PRLR: variants seen among roughly 807,000 people sequenced by gnomAD.
PRLR encodes hPRL receptor.
PRLR carries 13 observed loss-of-function variants against 40.2 expected under a neutral mutation model. That is an observed-to-expected ratio of 0.32 (90% CI 0.21 to 0.51). The LOEUF is 0.51. Ranked by LOEUF, PRLR falls within the 20% of genes least tolerant of loss-of-function variation. The pLI is 0.97. For synonymous variants in PRLR, 269 were observed against 278.7 expected, an observed-to-expected ratio of 0.97 and a Z score of 0.35; for missense variants, 656 against 747.3, an observed-to-expected ratio of 0.88 and a Z score of 1.42.
Position 35,063,444 on chromosome 5 carries a change from G to A in PRLR, c.*1645C>T, listed in dbSNP as rs1295992195. On this transcript the variant is annotated 3_prime_UTR_variant, in exon 10 of 10. Transcript: ENST00000618457. ...GAAAAATAGAGAGGGGCTGCTAGATGAGTCATGGATGCGCCCTTTAAAATG... is the reference window on the plus strand; with the variant it reads ...GAAAAATAGAGAGGGGCTGCTAGATAAGTCATGGATGCGCCCTTTAAAATG... 3.3e-5 allele frequency: 5 copies of A among 152,196 alleles called. 1 individual carries two copies. Among genetic ancestry groups the A allele is most frequent in the Non-Finnish European group, 5.9e-5 (4 of 68,030 alleles). 9.4% of individuals were successfully genotyped at this position (152,196 alleles called of 1,614,324 possible).
At position 35,060,615 on chromosome 5, in the gene PRLR, T is replaced by C. The variant is rs910932565; in HGVS notation, c.*4474A>G. On this transcript the variant is annotated 3_prime_UTR_variant, in exon 10 of 10. Coordinates refer to ENST00000618457, the MANE Select transcript of PRLR (RefSeq NM_000949.7). ...ATCCCAGGACATAGTGCCTACTTAGTCGTGGTGATGTGATTTAGTCTTGGA... is the reference window on the plus strand; with the variant it reads ...ATCCCAGGACATAGTGCCTACTTAGCCGTGGTGATGTGATTTAGTCTTGGA... The C allele has an allele frequency of 3.9e-5, 6 of 152,220 alleles. No homozygotes were observed. Among genetic ancestry groups the C allele is most frequent in the African/African-American group, 1.2e-4 (5 of 41,444 alleles). 9.4% of individuals were successfully genotyped at this position (152,220 alleles called of 1,614,324 possible).
chr5:35,167,089 T>G (rs1774854508), intron 1 of PRLR, among the ~76,000 whole-genome samples: 1 of 152,076 alleles, frequency 6.6e-6, no homozygotes, highest in African/African-American at 2.4e-5. Context: ...TGGAGTAGCT[T>G]ATTCACACTA....
chr5:35,049,451 G>C (rs773929384), intron 8 of PRLR: 1 of 699,912 alleles, frequency 1.4e-6, no homozygotes, highest in African/African-American at 1.8e-5. Context: ...ATAACTTCTA[G>C]AGGGAAAGTG....
chr5:35,186,466 C>T (rs1775435932), intron 1 of PRLR, among the ~76,000 whole-genome samples: 1 of 152,178 alleles, frequency 6.6e-6, no homozygotes, highest in African/African-American at 2.4e-5. Flanking sequence ...ATTCTAGATT[C>T]ACCCTGGAGA....
At chr5:35,050,998 G>A (rs192837285), downstream of PRLR, among the ~76,000 whole-genome samples, 260 of 152,270 alleles carry the variant, frequency 1.7e-3, 3 homozygotes, top group Non-Finnish European at 2.8e-4. Flanking sequence ...TTAAAGATGC[G>A]GCTCAGATAC....
At chr5:35,072,419 G>T (rs897446349) in intron 6 of PRLR, among the ~76,000 whole-genome samples, 156 bp downstream of exon 6, 25 of 152,158 alleles carry the variant, frequency 1.6e-4, no homozygotes, top group African/African-American at 6.0e-4. Flanking sequence ...AATCCCAATA[G>T]AGGGGAAAAG....
chr5:35,186,882 C>T (rs1330056414), intron 1 of PRLR, among the ~76,000 whole-genome samples: 1 of 152,150 alleles, frequency 6.6e-6, no homozygotes, highest in Non-Finnish European at 1.5e-5. Flanking sequence ...CCTGCCTGCC[C>T]TCAAGAAGCA....
intron 1 of PRLR, among the ~76,000 whole-genome samples, chr5:35,159,150 A>G (rs1449409916): frequency 6.6e-6 from 1 of 152,052 alleles, no homozygotes; most frequent in Admixed American, 6.6e-5. Context: ...GACCTCATGG[A>G]AGAGATCTGG....
At chr5:35,136,466 C>T (rs1773861472) in intron 1 of PRLR, among the ~76,000 whole-genome samples, 1 of 152,148 alleles carries the variant, frequency 6.6e-6, no homozygotes, top group African/African-American at 2.4e-5. Flanking sequence ...TAGCAACTCC[C>T]CAGTCATGAC....
rs114549121 is a variant in PRLR at position 35,176,066 on chromosome 5, C to T, written c.-106+54202G>A. Among the ~76,000 whole-genome samples the T allele has an allele frequency of 4.3e-3, 658 of 152,224 alleles. 1 individual carries two copies. Among genetic ancestry groups the T allele is most frequent in the African/African-American group, 0.015 (611 of 41,536 alleles). On this transcript the variant is annotated intron_variant, in intron 1 of 9. Coordinates refer to ENST00000618457, the MANE Select transcript of PRLR (RefSeq NM_000949.7). ...ATGTAAATAAACATATACACACATACGGATGCACATGCAGCCCCCATGTTT... is the reference window on the plus strand; with the variant it reads ...ATGTAAATAAACATATACACACATATGGATGCACATGCAGCCCCCATGTTT...
intron 2 of PRLR, among the ~76,000 whole-genome samples, chr5:35,102,187 T>C (rs545134541): frequency 2.2e-4 from 33 of 152,186 alleles, no homozygotes; most frequent in African/African-American, 4.8e-4. Flanking sequence ...GATTTCCTAA[T>C]TGAAACTTTT....
chr5:35,162,388 G>T (rs1484304040), intron 1 of PRLR, among the ~76,000 whole-genome samples: 1 of 152,180 alleles, frequency 6.6e-6, no homozygotes, highest in East Asian at 1.9e-4. Context: ...CTACCAAAAG[G>T]AGCTTCTTGG....
rs1160429172 is a variant in PRLR at position 35,074,462 on chromosome 5, C to CA, written c.374-1719dup. On this transcript the variant is annotated intron_variant, in intron 5 of 9. Coordinates refer to ENST00000618457, the MANE Select transcript of PRLR (RefSeq NM_000949.7). The stretch of plus-strand genomic sequence containing the variant: ...GGGTGACAAGAGCGAAACTCCATTT[C>CA]AAAAAAAAAAATGTGGAACAGCTAC... Among the ~76,000 whole-genome samples, 316 of 126,988 alleles carry CA rather than the reference C, an allele frequency of 2.5e-3. 1 individual carries two copies. The highest frequency in any genetic ancestry group is 7.8e-3 in the African/African-American group (252 of 32,456). 83.3% of individuals were successfully genotyped at this position (126,988 alleles called of 152,430 possible).
At chr5:35,192,101 G>A (rs1282976737) in intron 1 of PRLR, among the ~76,000 whole-genome samples, 1 of 152,182 alleles carries the variant, frequency 6.6e-6, no homozygotes, top group African/African-American at 2.4e-5. Flanking sequence ...ATTGGTCCAT[G>A]TGCCTGTCGT....
intron 1 of PRLR, among the ~76,000 whole-genome samples, chr5:35,216,318 T>A (rs921198629): frequency 1.3e-5 from 2 of 152,116 alleles, no homozygotes; most frequent in Non-Finnish European, 2.9e-5. Context: ...TTTATTGAGT[T>A]CTTTGGTATA....
At chr5:35,149,818 T>C (rs1270833944) in intron 1 of PRLR, among the ~76,000 whole-genome samples, 4 of 152,266 alleles carry the variant, frequency 2.6e-5, no homozygotes, top group African/African-American at 7.2e-5. Context: ...GTAAGAGTGA[T>C]TTTCTACATA....
chr5:35,077,132 A>G (rs536068639), intron 5 of PRLR, among the ~76,000 whole-genome samples: 1 of 152,346 alleles, frequency 6.6e-6, no homozygotes, highest in Non-Finnish European at 1.5e-5. Flanking sequence ...AAGAAACTGC[A>G]TCAACTAATG....
chr5:35,065,151 T>G lies in PRLR; in HGVS notation c.1807A>C (p.Arg603=). The G allele has an allele frequency of 6.2e-7, 1 of 1,614,210 alleles. No individual in the cohort carries two copies. Among genetic ancestry groups the G allele is most frequent in the Non-Finnish European group, 8.5e-7 (1 of 1,180,024 alleles). ...ANFTATSSKC[R]LQLGGLDYLD... ...TAATCCAAACCACCCAGCTGGAGCC[T>G]GCACTTGCTTGATGTTGCAGTGAAG... The change falls in exon 10 of 10, where the codon AGG becomes CGG. Residue 603 remains arginine, a synonymous_variant. Coordinates refer to ENST00000618457, the MANE Select transcript of PRLR (RefSeq NM_000949.7).
chr5:35,103,800 C>T (rs545000208), intron 2 of PRLR, among the ~76,000 whole-genome samples: 1 of 152,250 alleles, frequency 6.6e-6, no homozygotes, highest in East Asian at 1.9e-4. Flanking sequence ...CCAATGCTCT[C>T]AATTATAGCA....
Sources: allele counts gnomAD v4.1 joint callset (sites outside exome capture counted in the v4.1 genomes callset), GRCh38; gene constraint gnomAD v4.1.1; transcripts MANE v1.5; gene names NCBI Gene and HGNC (gene_info 2026-07-23, HGNC 2026-07-21).